REELD1: variants seen among roughly 807,000 people sequenced by gnomAD.
REELD1 encodes the protein reelin domain-containing protein 1.
Under a neutral mutation model 6.3 loss-of-function variants are expected in REELD1, and 12 were observed. The ratio of observed to expected loss-of-function variants is 1.89; its 90% CI spans 1.21 to 3.07. The LOEUF (loss-of-function observed/expected upper bound fraction) is 3.07, where lower values mean the gene tolerates loss of function less well. Among genes scored for constraint, REELD1 ranks in the 30% most tolerant of loss-of-function variants. The pLI, the probability that REELD1 is intolerant of heterozygous loss-of-function variation, is 0.00. For missense variants in REELD1, 163 were observed against 86.8 expected (o/e 1.88, Z -3.49); for synonymous variants, 57 against 33.6 (o/e 1.70, Z -2.42).
rs77205054 is a variant in REELD1 at position 146,230,289 on chromosome 4, A to G, written c.1357A>G (p.Thr453Ala). ...QLGILLCLSA[T>A]LGMALAAGLR... ...GGGAATTCTGCTTTGCCTGTCAGCC[A>G]CCCTGGGCATGGCCCTGGCCGCTGG... Residue 453 changes from threonine to alanine, a missense_variant, in exon 8 of 8, where the codon ACC becomes GCC. Physicochemically the swap from Thr to Ala is moderately conservative, Grantham distance 58. Transcript: ENST00000623665. 1,624 of 398,892 alleles carry G rather than the reference A, an allele frequency of 4.1e-3. 31 individuals carry two copies. Among genetic ancestry groups the G allele is most frequent in the East Asian group, 0.031 (861 of 28,072 alleles). The allele number at this position is 398,892 out of a possible 1,614,324, so 24.7% of individuals were successfully genotyped here.
chr4:146,227,002 A>C (rs1731035079), intron 5 of REELD1, among the ~76,000 whole-genome samples: 1 of 152,146 alleles, frequency 6.6e-6, no homozygotes, highest in Non-Finnish European at 1.5e-5. Context: ...CGAACTCCTG[A>C]CCTTAGGTGA....
At chr4:146,222,024 G>C (rs1730932812) in intron 3 of REELD1, among the ~76,000 whole-genome samples, 1 of 151,198 alleles carries the variant, frequency 6.6e-6, no homozygotes, top group Non-Finnish European at 1.5e-5. Context: ...ATCTGTCCAG[G>C]GTTCACCTAA....
At chr4:146,222,324 C>T (rs141318132) in intron 3 of REELD1, 33 bp from the exon 4 acceptor site, 60 of 398,570 alleles carry the variant, frequency 1.5e-4, no homozygotes, top group East Asian at 3.6e-4. Context: ...CTAAGTCACA[C>T]GTGTTCATGT....
intron 4 of REELD1, 33 bp from the exon 5 acceptor site, chr4:146,224,412 C>A: frequency 1.8e-6 from 1 of 553,990 alleles, no homozygotes; most frequent in South Asian, 2.6e-5. Flanking sequence ...GAAACTAAAT[C>A]CGTGAACTGC....
At chr4:146,223,607 C>T (rs1007544626) in intron 4 of REELD1, among the ~76,000 whole-genome samples, 3 of 152,202 alleles carry the variant, frequency 2.0e-5, no homozygotes, top group Admixed American at 6.5e-5. Context: ...ATAGTTGCTG[C>T]GTGCCACATA....
intron 3 of REELD1, 73 bp from the exon 4 acceptor site, chr4:146,222,284 A>G: frequency 2.5e-6 from 1 of 398,046 alleles, no homozygotes; most frequent in Non-Finnish European, 4.4e-6. Flanking sequence ...TTTAGTTTTG[A>G]AAAAAGCTGC....
chr4:146,228,910 CAG>C (rs1465794684), intron 6 of REELD1, 113 bp from the exon 7 acceptor site: 1 of 663,854 alleles, frequency 1.5e-6, no homozygotes, highest in African/African-American at 1.8e-5. Flanking sequence ...ACTCCAAAAT[CAG>C]AAGTTTTTCA....
intron 2 of REELD1, among the ~76,000 whole-genome samples, chr4:146,216,725 A>G (rs960988972): frequency 6.6e-6 from 1 of 152,264 alleles, no homozygotes; most frequent in African/African-American, 2.4e-5. Flanking sequence ...TTACAAGAAC[A>G]GAAGTTTTTA....
chr4:146,224,401 G>T, intron 4 of REELD1, 44 bp from the exon 5 acceptor site: 1 of 526,366 alleles, frequency 1.9e-6, no homozygotes, highest in Non-Finnish European at 3.4e-6. Flanking sequence ...ATTATTTAAA[G>T]GAAACTAAAT....
At chr4:146,220,249 C>T (rs896312639) in intron 3 of REELD1, among the ~76,000 whole-genome samples, 1 of 152,230 alleles carries the variant, frequency 6.6e-6, no homozygotes, top group Non-Finnish European at 1.5e-5. Flanking sequence ...TGCCCAGCCA[C>T]AGAGCTTGTT....
At position 146,228,395 on chromosome 4, in the gene REELD1, C is replaced by A. The variant is rs1731064313; in HGVS notation, c.781C>A (p.Gln261Lys). 4.3e-6 allele frequency: 3 copies of A among 702,554 alleles called. No individual in the cohort carries two copies. The highest frequency in any genetic ancestry group is 7.8e-6 in the Non-Finnish European group (3 of 384,998). The allele number at this position is 702,554 out of a possible 1,614,324, so 43.5% of individuals were successfully genotyped here. ...SHTATEGSIN[Q>K]QPSGDSNPTL... is the part of the protein sequence containing the mutation. ...CACAGCCACTGAAGGCAGCATCAAC[C>A]AGCAACCCAGCGGGGACAGCAATCC... Residue 261 changes from glutamine (Q) to lysine (K), a missense_variant, in exon 6 of 8, where the codon CAG becomes AAG. Coordinates refer to ENST00000623665, the MANE Select transcript of REELD1 (RefSeq NM_001354631.1).
At chr4:146,226,164 T>C (rs930802073) in intron 5 of REELD1, among the ~76,000 whole-genome samples, 1 of 152,168 alleles carries the variant, frequency 6.6e-6, no homozygotes, top group African/African-American at 2.4e-5. Flanking sequence ...ATTAGTATAT[T>C]GTATATCTGA....
At chr4:146,229,730 G>A (rs1165446029) in intron 7 of REELD1, among the ~76,000 whole-genome samples, 175 bp from the exon 8 acceptor site, 9 of 152,134 alleles carry the variant, frequency 5.9e-5, no homozygotes, top group Admixed American at 5.9e-4. Context: ...TCAATAACAA[G>A]TGCATTTGTA....
intron 6 of REELD1, 46 bp downstream of exon 6, chr4:146,228,568 A>G (rs1421377695): frequency 1.5e-6 from 1 of 666,368 alleles, no homozygotes; most frequent in South Asian, 1.6e-5. Flanking sequence ...TGGGACTAGG[A>G]TGAACACTGG....
chr4:146,215,270 C>G (rs1730803239), intron 2 of REELD1, 72 bp downstream of exon 2: 2 of 152,198 alleles, frequency 1.3e-5, no homozygotes, highest in African/African-American at 4.8e-5. Flanking sequence ...TGAGAAGAAC[C>G]CTGAGCCCCC....
intron 3 of REELD1, among the ~76,000 whole-genome samples, chr4:146,221,787 A>G (rs1445504953): frequency 6.6e-6 from 1 of 152,132 alleles, no homozygotes; most frequent in African/African-American, 2.4e-5. Flanking sequence ...TGAACCCAGG[A>G]GGCAGAGGTT....
At chr4:146,227,738 T>C (rs1243179220) in intron 5 of REELD1, among the ~76,000 whole-genome samples, 1 of 152,188 alleles carries the variant, frequency 6.6e-6, no homozygotes, top group East Asian at 1.9e-4. Context: ...GTGGAGGGCA[T>C]TGAAGGGCAG....
rs143835470 is a variant in REELD1, at chr4:146,227,343, C to T, written c.596-867C>T. Among the ~76,000 whole-genome samples the T allele has an allele frequency of 4.0e-3, 606 of 152,300 alleles. 8 individuals carry two copies. Among genetic ancestry groups the T allele is most frequent in the African/African-American group, 0.013 (560 of 41,552 alleles). On this transcript the variant is annotated intron_variant, in intron 5 of 7. Coordinates refer to ENST00000623665, the MANE Select transcript of REELD1 (RefSeq NM_001354631.1). ...AAACATTGGAGCAAAGGGGTACCTC[C>T]TCCACCCCCATAAAGAACCTGGAGC...
intron 3 of REELD1, among the ~76,000 whole-genome samples, chr4:146,219,629 A>T (rs886983310): frequency 1.3e-4 from 20 of 152,092 alleles, no homozygotes; most frequent in African/African-American, 3.1e-4. Context: ...TGGCTTTTTT[A>T]AAAAAAATTT....
Sources: gnomAD v4.1 joint callset for allele counts (sites outside exome capture counted in the v4.1 genomes callset) on GRCh38, gnomAD v4.1.1 for gene constraint, MANE v1.5 for transcripts, NCBI Gene and HGNC (gene_info 2026-07-23, HGNC 2026-07-21) for gene names.